PITPNC1: variants seen among roughly 807,000 people sequenced by gnomAD.
The protein encoded by PITPNC1 is phosphatidylinositol transfer protein cytoplasmic 1, also known as cytoplasmic phosphatidylinositol transfer protein 1.
A neutral mutation model predicts 44.7 loss-of-function variants in PITPNC1; 18 were observed. The observed-to-expected ratio is 0.40, with a 90% CI of 0.28 to 0.60. The LOEUF is 0.60. Among genes scored for constraint, PITPNC1 ranks in the 20% least tolerant of loss-of-function variants. PITPNC1 has a pLI of 0.39. For synonymous variants in PITPNC1, 141 were observed against 149.6 expected, an observed-to-expected ratio of 0.94 and a Z score of 0.42; for missense variants, 290 against 418.4, an observed-to-expected ratio of 0.69 and a Z score of 2.68.
chr17:67,544,751 C>G (rs1161684367), intron 2 of PITPNC1, among the ~76,000 whole-genome samples: 2 of 152,224 alleles, frequency 1.3e-5, no homozygotes, highest in Non-Finnish European at 2.9e-5. Flanking sequence ...TTTTACCTAA[C>G]AGCTTGTTGA....
intron 6 of PITPNC1, among the ~76,000 whole-genome samples, chr17:67,654,098 A>G (rs2042237775): frequency 6.6e-6 from 1 of 152,112 alleles, no homozygotes; most frequent in Non-Finnish European, 1.5e-5. Context: ...GCTTTCGTCC[A>G]CTTGGAACAG....
chr17:67,415,651 C>G (rs1429265921), intron 1 of PITPNC1, among the ~76,000 whole-genome samples: 5 of 152,280 alleles, frequency 3.3e-5, no homozygotes, highest in African/African-American at 1.2e-4. Flanking sequence ...ATTACAATTA[C>G]GTGGACATGG....
At chr17:67,666,889 G>A (rs781113468) in intron 6 of PITPNC1, among the ~76,000 whole-genome samples, 8 of 152,208 alleles carry the variant, frequency 5.3e-5, no homozygotes, top group Non-Finnish European at 1.0e-4. Flanking sequence ...GCGGAGCCAC[G>A]GCCAGATCTG....
intron 1 of PITPNC1, among the ~76,000 whole-genome samples, chr17:67,491,274 G>A (rs900729343): frequency 6.6e-6 from 1 of 152,232 alleles, no homozygotes; most frequent in Admixed American, 6.5e-5. Flanking sequence ...CCAGGAACCC[G>A]CAGGACACTG....
intron 6 of PITPNC1, among the ~76,000 whole-genome samples, chr17:67,632,990 G>T (rs2041990177): frequency 6.6e-6 from 1 of 152,206 alleles, no homozygotes; most frequent in Non-Finnish European, 1.5e-5. Flanking sequence ...AAATTTCAGA[G>T]AACTTCTTTC....
chr17:67,490,454 C>T (rs1166647435), intron 1 of PITPNC1, among the ~76,000 whole-genome samples: 1 of 151,982 alleles, frequency 6.6e-6, no homozygotes, highest in African/African-American at 2.4e-5. Context: ...AATGTCCCCT[C>T]TAGCTCTGAC....
At chr17:67,620,727 G>A (rs1399836852) in intron 5 of PITPNC1, among the ~76,000 whole-genome samples, 5 of 152,288 alleles carry the variant, frequency 3.3e-5, no homozygotes, top group South Asian at 2.1e-4. Context: ...CAGCTAAGAC[G>A]ATCCGGCCTA....
At chr17:67,383,569 T>C (rs959257026) in intron 1 of PITPNC1, among the ~76,000 whole-genome samples, 9 of 152,142 alleles carry the variant, frequency 5.9e-5, no homozygotes, top group African/African-American at 2.2e-4. Flanking sequence ...TCGGTCCCAG[T>C]GAGCGACCTG....
In PITPNC1 at chr17:67,425,193, G is replaced by GCGCGCA. The variant is rs1160522771; in HGVS notation, c.48+46992_48+46993insGCGCAC. On this transcript the variant is annotated intron_variant, in intron 1 of 8. Transcript: ENST00000581322. ...AAATAAACAGCCATGTTGTGCGCGC[G>GCGCGCA]CACGCACACGCACACACACACACAC... 3.6e-4 allele frequency among the ~76,000 whole-genome samples: 19 copies of GCGCGCA among 52,112 alleles called. 1 individual carries two copies. Among genetic ancestry groups the GCGCGCA allele is most frequent in the African/African-American group, 8.2e-4 (8 of 9,760 alleles). The allele number at this position is 52,112 out of a possible 152,430, so 34.2% of individuals were successfully genotyped here.
chr17:67,569,988 A>G (rs2041030906), intron 4 of PITPNC1, among the ~76,000 whole-genome samples: 1 of 152,136 alleles, frequency 6.6e-6, no homozygotes, highest in African/African-American at 2.4e-5. Flanking sequence ...AGGGACAGAA[A>G]TGACTCACTG....
intron 1 of PITPNC1, among the ~76,000 whole-genome samples, chr17:67,477,444 T>C (rs2039646265): frequency 6.6e-6 from 1 of 152,056 alleles, no homozygotes; most frequent in African/African-American, 2.4e-5. Flanking sequence ...GGGGTTTCAC[T>C]ATGTTGGTTA....
chr17:67,573,181 T>C lies in PITPNC1; in HGVS notation c.295-5005T>C, dbSNP rs545062824. The stretch of plus-strand genomic sequence containing the variant: ...TTTCAAGTTTGATGAACCTGTAGGG[T>C]CTTTGTTGGGGATGGCCAGTGGGCA... On this transcript the variant is annotated intron_variant, in intron 4 of 8. Coordinates refer to ENST00000581322, the MANE Select transcript of PITPNC1 (RefSeq NM_012417.4). 5.2e-4 allele frequency among the ~76,000 whole-genome samples: 79 copies of C among 152,166 alleles called. 1 individual carries two copies. The highest frequency in any genetic ancestry group is 6.2e-4 in the South Asian group (3 of 4,822).
intron 1 of PITPNC1, among the ~76,000 whole-genome samples, chr17:67,510,187 G>GC (rs2040165182): frequency 1.3e-5 from 2 of 152,180 alleles, no homozygotes; most frequent in East Asian, 3.8e-4. Flanking sequence ...TCCTTCCTCT[G>GC]CCCCAGGTCC....
intron 5 of PITPNC1, among the ~76,000 whole-genome samples, chr17:67,592,020 T>A (rs913846675): frequency 2.0e-5 from 3 of 152,028 alleles, no homozygotes; most frequent in African/African-American, 7.2e-5. Context: ...GCGCAATGAT[T>A]TTTTAAAATT....
At chr17:67,453,010 A>G (rs1170227243) in intron 1 of PITPNC1, among the ~76,000 whole-genome samples, 2 of 152,150 alleles carry the variant, frequency 1.3e-5, no homozygotes, top group Non-Finnish European at 2.9e-5. Context: ...GTACTCTTTT[A>G]AAACTGCTTT....
intron 1 of PITPNC1, among the ~76,000 whole-genome samples, chr17:67,489,982 C>A (rs533320557): frequency 2.2e-3 from 334 of 152,244 alleles, no homozygotes; most frequent in Middle Eastern, 0.014. Flanking sequence ...AGTGATCCAT[C>A]CCCCTCGGTC....
chr17:67,548,265 T>C (rs1010340937), intron 2 of PITPNC1, among the ~76,000 whole-genome samples: 2 of 152,180 alleles, frequency 1.3e-5, no homozygotes, highest in African/African-American at 4.8e-5. Context: ...GGCTGTGTCA[T>C]TGATATGTTC....
chr17:67,594,069 G>C (rs1203385864), intron 5 of PITPNC1, among the ~76,000 whole-genome samples: 1 of 152,214 alleles, frequency 6.6e-6, no homozygotes, highest in Non-Finnish European at 1.5e-5. Context: ...TCTGCCAAAA[G>C]CTAGCAGCTG....
At chr17:67,427,942 T>C (rs1323095359) in intron 1 of PITPNC1, among the ~76,000 whole-genome samples, 2 of 152,222 alleles carry the variant, frequency 1.3e-5, no homozygotes. Context: ...CATTCCCCCA[T>C]TTGTGGCACA....
Sources: gnomAD v4.1 joint callset for allele counts (sites outside exome capture counted in the v4.1 genomes callset) on GRCh38, gnomAD v4.1.1 for gene constraint, MANE v1.5 for transcripts, NCBI Gene and HGNC (gene_info 2026-07-23, HGNC 2026-07-21) for gene names.